The following SRGAP2C variants were observed in gnomAD, a reference collection of about 807,000 sequenced individuals.
The protein encoded by SRGAP2C is SLIT-ROBO Rho GTPase activating protein 2C, also known as SLIT-ROBO Rho GTPase-activating protein 2C.
SRGAP2C carries 15 observed loss-of-function variants against 25.1 expected under a neutral mutation model. That is an observed-to-expected ratio of 0.60 (90% confidence interval 0.40 to 0.92). The LOEUF (loss-of-function observed/expected upper bound fraction) is 0.92, where lower values mean the gene tolerates loss of function less well. SRGAP2C is among the 40% of genes least tolerant of loss of function. The pLI, the probability that SRGAP2C is intolerant of heterozygous loss-of-function variation, is 0.00. For synonymous variants in SRGAP2C, 44 were observed against 96.6 expected (o/e 0.46, Z 3.19); for missense variants, 144 against 264.4 (o/e 0.54, Z 3.16).
At chr1:121,224,012 G>C (rs1655603920) in intron 2 of SRGAP2C, among the ~76,000 whole-genome samples, 1 of 152,156 alleles carries the variant, frequency 6.6e-6, no homozygotes, top group African/African-American at 2.4e-5. Flanking sequence ...TGGCCTCTAA[G>C]TCATTGAGTC....
chr1:121,287,574 A>ATGC, intron 3 of SRGAP2C, among the ~76,000 whole-genome samples: 1 of 152,040 alleles, frequency 6.6e-6, no homozygotes, highest in South Asian at 2.1e-4. Flanking sequence ...GTACTATATC[A>ATGC]TATTCTCAGC....
Position 121,265,946 on chromosome 1 carries a change from CTTG to C in SRGAP2C, c.68-18850_68-18848del, listed in dbSNP as rs587683460. Among the ~76,000 whole-genome samples the C allele has an allele frequency of 4.4e-4, 66 of 151,660 alleles. No individual in the cohort carries two copies. The East Asian group carries it at 0.011, about 25-fold the overall frequency. ...TGGGTTTTATCAATGTCTTAGACTT[CTTG>C]TTGTTGGTTTTTTTGTTTGTTCGTT... On this transcript the variant is annotated intron_variant, in intron 2 of 9. Transcript: ENST00000367123.
intron 2 of SRGAP2C, among the ~76,000 whole-genome samples, chr1:121,258,258 A>C (rs1354379584): frequency 6.6e-6 from 1 of 151,722 alleles, no homozygotes; most frequent in Non-Finnish European, 1.5e-5. Flanking sequence ...TGAGTTCCAC[A>C]GTGAAACTGA....
intron 3 of SRGAP2C, among the ~76,000 whole-genome samples, chr1:121,308,939 CAAAA>C (rs1282103321): frequency 3.9e-4 from 12 of 30,624 alleles, no homozygotes; most frequent in Non-Finnish European, 5.5e-4. Flanking sequence ...AACTCTGTCT[CAAAA>C]AAAAAAAAAA....
rs1340437295 is a variant in SRGAP2C, at chr1:121,322,225, G to A, written c.261-2253G>A. ...TGAGATCTGCCCCTTTAAAAAGCATGCTTACTGAGGACATGGGTATCTTGC... is the reference window on the plus strand; with the variant it reads ...TGAGATCTGCCCCTTTAAAAAGCATACTTACTGAGGACATGGGTATCTTGC... On this transcript the variant is annotated intron_variant, in intron 3 of 9. Transcript: ENST00000367123. Among the ~76,000 whole-genome samples the A allele has an allele frequency of 4.5e-4, 66 of 145,548 alleles. 1 individual carries two copies. Among genetic ancestry groups the A allele is most frequent in the Non-Finnish European group, 9.5e-4 (63 of 66,638 alleles).
chr1:121,312,901 G>T (rs1657997781), intron 3 of SRGAP2C, among the ~76,000 whole-genome samples: 1 of 23,056 alleles, frequency 4.3e-5, no homozygotes, highest in South Asian at 1.6e-3. Flanking sequence ...TGTATATTCT[G>T]TTGATTTGGG....
intron 2 of SRGAP2C, among the ~76,000 whole-genome samples, chr1:121,239,214 AT>A (rs1656047326): frequency 3.4e-4 from 2 of 5,942 alleles, no homozygotes; most frequent in Non-Finnish European, 4.7e-4. Context: ...ATATATATAT[AT>A]ATATATATAT....
chr1:121,232,443 TA>T (rs1192542947), intron 2 of SRGAP2C, among the ~76,000 whole-genome samples: 2 of 77,284 alleles, frequency 2.6e-5, no homozygotes, highest in Non-Finnish European at 5.2e-5. Context: ...TGGGATGGCA[TA>T]AAAAAAAGAC....
At chr1:121,316,945 A>G (rs1203299413) in intron 3 of SRGAP2C, among the ~76,000 whole-genome samples, 2 of 151,560 alleles carry the variant, frequency 1.3e-5, no homozygotes, top group African/African-American at 4.9e-5. Flanking sequence ...GTGCTAACAC[A>G]TGGGATGTAA....
intron 2 of SRGAP2C, among the ~76,000 whole-genome samples, chr1:121,210,318 A>T (rs1553323391): frequency 5.8e-5 from 1 of 17,106 alleles, no homozygotes; most frequent in South Asian, 8.3e-4. Context: ...TCAGCGCTTT[A>T]AAAAAAAAAA....
intron 2 of SRGAP2C, among the ~76,000 whole-genome samples, chr1:121,238,744 G>A (rs1324897874): frequency 6.7e-6 from 1 of 149,702 alleles, no homozygotes; most frequent in African/African-American, 2.5e-5. Context: ...CTGTTAAGTA[G>A]CAGGGACTAC....
Position 121,324,505 on chromosome 1 carries a change from C to T in SRGAP2C, c.288C>T (p.Val96=). Residue 96 remains valine (V), a synonymous_variant, in exon 4 of 10, where the codon GTC becomes GTT. Transcript: ENST00000367123. ...AGGATCAGAATGTTCTCTCTCCAGTCAACTGCTGGAATCTCCTCTTAAACC... is the reference window on the plus strand; with the variant it reads ...AGGATCAGAATGTTCTCTCTCCAGTTAACTGCTGGAATCTCCTCTTAAACC... ...FKKDQNVLSP[V]NCWNLLLNQV... 1 of 1,612,964 alleles carries T rather than the reference C, an allele frequency of 6.2e-7. No individual in the cohort carries two copies. Among genetic ancestry groups the T allele is most frequent in the Non-Finnish European group, 8.5e-7 (1 of 1,179,010 alleles).
intron 4 of SRGAP2C, among the ~76,000 whole-genome samples, chr1:121,353,029 G>A: frequency 6.6e-6 from 1 of 150,832 alleles, no homozygotes; most frequent in Non-Finnish European, 1.5e-5. Flanking sequence ...GGCAGAGCTT[G>A]CAGTGAAACG....
intron 2 of SRGAP2C, among the ~76,000 whole-genome samples, chr1:121,201,718 A>T (rs1432195955): frequency 6.6e-6 from 1 of 152,256 alleles, no homozygotes; most frequent in Non-Finnish European, 1.5e-5. Flanking sequence ...AGTGGGCATG[A>T]TGTGAAAGCA....
intron 2 of SRGAP2C, among the ~76,000 whole-genome samples, chr1:121,282,752 G>T (rs1329692548): frequency 6.9e-6 from 1 of 144,386 alleles, no homozygotes; most frequent in Admixed American, 6.9e-5. Context: ...TAGAGACAGG[G>T]TTTCACCATG....
chr1:121,228,823 C>G (rs1446286229), intron 2 of SRGAP2C, among the ~76,000 whole-genome samples: 8 of 150,770 alleles, frequency 5.3e-5, no homozygotes, highest in Non-Finnish European at 1.0e-4. Context: ...AGATGCTGGC[C>G]CCAAACCCTG....
At chr1:121,257,981 G>A (rs1656519275) in intron 2 of SRGAP2C, among the ~76,000 whole-genome samples, 1 of 150,020 alleles carries the variant, frequency 6.7e-6, no homozygotes, top group Non-Finnish European at 1.5e-5. Context: ...GTGGGGTAGG[G>A]GGTGGAGTTG....
intron 3 of SRGAP2C, among the ~76,000 whole-genome samples, chr1:121,291,001 G>C (rs1321744740): frequency 8.1e-6 from 1 of 123,296 alleles, no homozygotes; most frequent in African/African-American, 3.1e-5. Flanking sequence ...TTCAGATTGG[G>C]TGTGGCAGCA....
chr1:121,343,285 C>T (rs1658672121), intron 4 of SRGAP2C, among the ~76,000 whole-genome samples: 1 of 152,124 alleles, frequency 6.6e-6, no homozygotes, highest in African/African-American at 2.4e-5. Context: ...CAGGCTGAAG[C>T]CCCAGTGGAA....
Sources: gnomAD v4.1 joint callset for allele counts (sites outside exome capture counted in the v4.1 genomes callset) on GRCh38, gnomAD v4.1.1 for gene constraint, MANE v1.5 for transcripts, NCBI Gene and HGNC (gene_info 2026-07-23, HGNC 2026-07-21) for gene names.